Variants in TMEM255A observed in about 807,000 individuals in gnomAD.
The protein encoded by TMEM255A is family with sequence similarity 70, member A.
TMEM255A carries 14 observed loss-of-function variants against 23.5 expected under a neutral mutation model. That is an observed-to-expected ratio of 0.60 (90% CI 0.39 to 0.93). TMEM255A has a LOEUF of 0.93. TMEM255A is among the 40% of genes least tolerant of loss of function. TMEM255A has a pLI of 0.00. For synonymous variants in TMEM255A, 104 were observed against 100.3 expected (o/e 1.04, Z -0.22); for missense variants, 233 against 261.7 (o/e 0.89, Z 0.76).
intron 6 of TMEM255A, among the ~76,000 whole-genome samples, chrX:120,278,153 G>T (rs782130109): frequency 1.5e-5 from 1 of 65,282 alleles, no homozygotes; most frequent in African/African-American, 6.6e-5. Context: ...CCCGACTTTC[G>T]TTCTCTCCCT....
chrX:120,275,479 C>T (rs781981515), intron 7 of TMEM255A, among the ~76,000 whole-genome samples: 64 of 111,328 alleles, frequency 5.7e-4, no homozygotes, highest in Non-Finnish European at 8.5e-4. Flanking sequence ...TCCTTTTGAC[C>T]GTCCAGGATC....
intron 1 of TMEM255A, among the ~76,000 whole-genome samples, 177 bp from the exon 2 acceptor site, chrX:120,304,668 C>T (rs1191384534): frequency 9.0e-6 from 1 of 111,395 alleles, no homozygotes; most frequent in African/African-American, 3.3e-5. Context: ...TTGTAGTCAT[C>T]AGGTGCCACT....
downstream of TMEM255A, chrX:120,254,048 T>C (rs1268863981): frequency 4.1e-6 from 5 of 1,210,902 alleles, no homozygotes; most frequent in African/African-American, 1.7e-5. Flanking sequence ...TGCCGAGTAA[T>C]AACACAGTGG....
chrX:120,304,575 C>T, intron 1 of TMEM255A, 84 bp from the exon 2 acceptor site: 1 of 1,044,263 alleles, frequency 9.6e-7, no homozygotes, highest in Non-Finnish European at 1.3e-6. Context: ...AGAAGGTTTT[C>T]CTTTCCTATT....
chrX:120,299,635 T>C (rs1556025566), intron 2 of TMEM255A, among the ~76,000 whole-genome samples: 3 of 112,419 alleles, frequency 2.7e-5, no homozygotes, highest in African/African-American at 9.7e-5. Context: ...TTTAAAAATG[T>C]ACTTAGTAAG....
chrX:120,275,784 A>ATTTTTTTTTTTTT (rs11342181), intron 7 of TMEM255A, among the ~76,000 whole-genome samples: 2 of 60,250 alleles, frequency 3.3e-5, no homozygotes, highest in Admixed American at 2.6e-4. Context: ...GAGCCCAAGC[A>ATTTTTTTTTTTTT]TTTTTTTTTT....
chrX:120,289,174 C>T (rs2057896980), intron 4 of TMEM255A, among the ~76,000 whole-genome samples: 1 of 111,863 alleles, frequency 8.9e-6, no homozygotes, highest in Non-Finnish European at 1.9e-5. Flanking sequence ...AGCCTCCTTC[C>T]TCAAAGCTCT....
intron 8 of TMEM255A, 133 bp from the exon 9 acceptor site, chrX:120,261,161 A>G: frequency 1.2e-6 from 1 of 867,835 alleles, no homozygotes; most frequent in Non-Finnish European, 1.5e-6. Flanking sequence ...CAAACCTCAC[A>G]GAGTTAATGA....
At chrX:120,309,430 A>G (rs1174614149) in intron 1 of TMEM255A, among the ~76,000 whole-genome samples, 1 of 112,937 alleles carries the variant, frequency 8.9e-6, no homozygotes, top group Non-Finnish European at 1.9e-5. Flanking sequence ...TGCGCCAAGT[A>G]GCGACTCTTT....
At chrX:120,279,976 C>T (rs1603401389) in intron 6 of TMEM255A, among the ~76,000 whole-genome samples, 6 of 93,700 alleles carry the variant, frequency 6.4e-5, no homozygotes, top group Admixed American at 2.4e-4. Context: ...TTTTTCCTTC[C>T]TTCTTTTCTT....
rs782686713 is a variant in TMEM255A, at chrX:120,258,696, G to C, written c.*2174C>G. ...ATTCATTTGAAACATCACAAAAGCA[G>C]TCTGAGTTTTCAACATGGCAGTGAT... On this transcript the variant is annotated 3_prime_UTR_variant, in exon 9 of 9. Transcript: ENST00000371369. 8.9e-6 allele frequency: 1 copy of C among 112,505 alleles called. No homozygotes were observed. Among genetic ancestry groups the C allele is most frequent in the East Asian group, 2.8e-4 (1 of 3,623 alleles). The allele number at this position is 112,505 out of a possible 1,213,427, so 9.3% of individuals were successfully genotyped here. A position where few individuals can be genotyped will look rare whatever the true frequency, so the allele number is the denominator to read the frequency against.
chrX:120,261,948 T>G (rs1468902460), intron 8 of TMEM255A, among the ~76,000 whole-genome samples: 6 of 111,154 alleles, frequency 5.4e-5, no homozygotes, highest in African/African-American at 2.0e-4. Flanking sequence ...CTTGAATGAG[T>G]GAATACAACT....
chrX:120,262,845 C>T (rs1556016888), intron 8 of TMEM255A, among the ~76,000 whole-genome samples: 1 of 112,279 alleles, frequency 8.9e-6, no homozygotes, highest in African/African-American at 3.2e-5. Flanking sequence ...AAGGGAGAGG[C>T]AAGTTTCCTG....
chrX:120,300,113 G>C (rs1300107328), intron 2 of TMEM255A, among the ~76,000 whole-genome samples: 2 of 111,148 alleles, frequency 1.8e-5, no homozygotes, highest in African/African-American at 6.6e-5. Flanking sequence ...ACTATCCAGG[G>C]GACCAACTCC....
At chrX:120,254,698 C>T (rs267606333), downstream of TMEM255A, 16 of 1,211,552 alleles carry the variant, frequency 1.3e-5, no homozygotes, top group East Asian at 3.0e-5. Flanking sequence ...GAAGGCTTAT[C>T]GACTGGTTGC....
intron 7 of TMEM255A, among the ~76,000 whole-genome samples, chrX:120,271,894 C>T (rs782715793): frequency 2.7e-5 from 3 of 112,114 alleles, no homozygotes; most frequent in South Asian, 3.7e-4. Context: ...AACTTTTGTG[C>T]TTCAAAGGCC....
At chrX:120,267,922 C>T (rs1204012417) in intron 8 of TMEM255A, among the ~76,000 whole-genome samples, 1 of 111,077 alleles carries the variant, frequency 9.0e-6, no homozygotes, top group East Asian at 2.8e-4. Context: ...TAATGAGCTG[C>T]CATTTCCCAA....
chrX:120,296,770 A>AAT (rs10639681), intron 2 of TMEM255A, among the ~76,000 whole-genome samples: 517 of 6,708 alleles, frequency 0.077, 119 homozygotes, highest in East Asian at 0.21. Flanking sequence ...ATATATATTA[A>AAT]ATATATTATA....
intron 8 of TMEM255A, among the ~76,000 whole-genome samples, chrX:120,261,932 A>G (rs1419173030): frequency 1.8e-5 from 2 of 111,779 alleles, no homozygotes; most frequent in African/African-American, 6.5e-5. Flanking sequence ...TAGGTGCTCA[A>G]TAAATCTTGA....
Sources: allele counts gnomAD v4.1 joint callset (sites outside exome capture counted in the v4.1 genomes callset), GRCh38; gene constraint gnomAD v4.1.1; transcripts MANE v1.5; gene names NCBI Gene and HGNC (gene_info 2026-07-23, HGNC 2026-07-21).